Variants in CNTNAP2 observed in about 807,000 individuals in gnomAD.
The protein encoded by CNTNAP2 is contactin-associated protein-like 2.
In CNTNAP2, 98 loss-of-function variants were observed where a neutral mutation model predicts 155.2. The ratio of observed to expected loss-of-function variants is 0.63; its 90% CI spans 0.54 to 0.75. The LOEUF is 0.75. Ranked by LOEUF, CNTNAP2 falls within the 30% of genes least tolerant of loss-of-function variation. The pLI, the probability that CNTNAP2 is intolerant of heterozygous loss-of-function variation, is 0.00. For missense variants in CNTNAP2, 1,727 were observed against 1,688.1 expected, an observed-to-expected ratio of 1.02 and a Z score of -0.40; for synonymous variants, 651 against 631.2, an observed-to-expected ratio of 1.03 and a Z score of -0.47.
chr7:146,992,267 G>A (rs1053622280), intron 3 of CNTNAP2, among the ~76,000 whole-genome samples: 8 of 152,066 alleles, frequency 5.3e-5, no homozygotes, highest in Non-Finnish European at 7.4e-5. Context: ...TCCCATGAGC[G>A]TTAGTAAAGA....
chr7:147,888,634 C>A (rs1210499690), intron 13 of CNTNAP2, among the ~76,000 whole-genome samples: 3 of 136,890 alleles, frequency 2.2e-5, no homozygotes, highest in Non-Finnish European at 3.3e-5. Context: ...AAAGCAATCC[C>A]CAGCTAGACA....
At chr7:148,099,253 A>G (rs1804042520) in intron 15 of CNTNAP2, among the ~76,000 whole-genome samples, 1 of 152,246 alleles carries the variant, frequency 6.6e-6, no homozygotes, top group African/African-American at 2.4e-5. Flanking sequence ...AATACTGCTT[A>G]GAACATGGGA....
At chr7:146,268,649 A>G (rs1800031678) in intron 1 of CNTNAP2, among the ~76,000 whole-genome samples, 3 of 152,196 alleles carry the variant, frequency 2.0e-5, no homozygotes, top group Admixed American at 6.5e-5. Flanking sequence ...TCAAACTTGC[A>G]ACCTAAAGAC....
At chr7:146,352,258 TG>T (rs1188764910) in intron 1 of CNTNAP2, among the ~76,000 whole-genome samples, 2 of 152,204 alleles carry the variant, frequency 1.3e-5, no homozygotes, top group African/African-American at 2.4e-5. Context: ...TAAATATAGC[TG>T]GAATTAAAAT....
intron 1 of CNTNAP2, among the ~76,000 whole-genome samples, chr7:146,730,612 C>CCAT (rs1277100771): frequency 6.6e-6 from 1 of 151,998 alleles, no homozygotes; most frequent in African/African-American, 2.4e-5. Flanking sequence ...TAAATATGCC[C>CCAT]CATCCTTTCC....
intron 12 of CNTNAP2, among the ~76,000 whole-genome samples, chr7:147,583,600 C>T (rs1800559621): frequency 6.7e-6 from 1 of 148,584 alleles, no homozygotes; most frequent in African/African-American, 2.5e-5. Context: ...GGTTAGTTTA[C>T]ATTTTTCTAT....
chr7:146,280,327 G>C (rs1800230477), intron 1 of CNTNAP2, among the ~76,000 whole-genome samples: 1 of 152,158 alleles, frequency 6.6e-6, no homozygotes, highest in Admixed American at 6.6e-5. Flanking sequence ...TGAAGTAGTT[G>C]ATACGAACTT....
At chr7:146,757,527 C>T (rs1802013968) in intron 1 of CNTNAP2, among the ~76,000 whole-genome samples, 1 of 151,976 alleles carries the variant, frequency 6.6e-6, no homozygotes, top group African/African-American at 2.4e-5. Context: ...TTATAGAATC[C>T]AGAAATGTCA....
At chr7:146,158,213 C>G (rs1798158791) in intron 1 of CNTNAP2, among the ~76,000 whole-genome samples, 1 of 152,048 alleles carries the variant, frequency 6.6e-6, no homozygotes, top group African/African-American at 2.4e-5. Flanking sequence ...GAAAGGACAC[C>G]CACACCAAAA....
chr7:147,535,895 A>T (rs986847962), intron 11 of CNTNAP2, among the ~76,000 whole-genome samples: 2 of 144,948 alleles, frequency 1.4e-5, no homozygotes, highest in Non-Finnish European at 3.1e-5. Context: ...GGAAATAGGG[A>T]TTTACTAAAT....
intron 3 of CNTNAP2, among the ~76,000 whole-genome samples, chr7:146,904,280 ACACGT>A (rs1259707161): frequency 6.6e-6 from 1 of 151,968 alleles, no homozygotes; most frequent in Non-Finnish European, 1.5e-5. Flanking sequence ...GGACCTCTAT[ACACGT>A]CACCTTTTCA....
chr7:147,925,623 G>A (rs543412716), intron 14 of CNTNAP2, among the ~76,000 whole-genome samples: 14 of 151,862 alleles, frequency 9.2e-5, no homozygotes, highest in South Asian at 4.2e-4. Flanking sequence ...CCCGCCACTC[G>A]GCTAATTTTT....
intron 3 of CNTNAP2, among the ~76,000 whole-genome samples, chr7:146,960,150 C>T (rs989308539): frequency 1.3e-5 from 2 of 152,158 alleles, no homozygotes; most frequent in South Asian, 4.1e-4. Flanking sequence ...GTTCTCCTAA[C>T]TTATGCCATC....
intron 15 of CNTNAP2, among the ~76,000 whole-genome samples, chr7:148,089,288 C>G (rs974187554): frequency 6.6e-6 from 1 of 151,790 alleles, no homozygotes; most frequent in Non-Finnish European, 1.5e-5. Context: ...CAACATAGTA[C>G]TAGAAGTACT....
chr7:146,426,210 A>AAAAAAG lies in CNTNAP2; in HGVS notation c.97+309237_97+309238insAAAAAG, dbSNP rs1796086835. 2.0e-4 allele frequency among the ~76,000 whole-genome samples: 29 copies of AAAAAAG among 144,322 alleles called. 1 individual carries two copies. The highest frequency in any genetic ancestry group is 6.9e-4 in the Admixed American group (10 of 14,498). The allele number at this position is 144,322 out of a possible 152,430, so 94.7% of individuals were successfully genotyped here. A position where few individuals can be genotyped will look rare whatever the true frequency, so the allele number is the denominator to read the frequency against. On this transcript the variant is annotated intron_variant, in intron 1 of 23. Transcript: ENST00000361727. The stretch of plus-strand genomic sequence containing the variant: ...CAAAAAAAAAAAAAAAAAAAAAAAA[A>AAAAAAG]TTAAAACTTAAGGAACTGAGACAAG...
intron 10 of CNTNAP2, among the ~76,000 whole-genome samples, chr7:147,469,286 G>T (rs1391960958): frequency 6.6e-6 from 1 of 152,032 alleles, no homozygotes; most frequent in Admixed American, 6.6e-5. Context: ...CTCTACAAAA[G>T]TATCTTACAA....
At chr7:146,288,183 A>G (rs1429988088) in intron 1 of CNTNAP2, among the ~76,000 whole-genome samples, 1 of 151,568 alleles carries the variant, frequency 6.6e-6, no homozygotes, top group African/African-American at 2.4e-5. Flanking sequence ...CTGTGTTCCC[A>G]GCTACTCTAG....
At chr7:147,228,960 T>C (rs574375320) in intron 8 of CNTNAP2, among the ~76,000 whole-genome samples, 2 of 152,292 alleles carry the variant, frequency 1.3e-5, no homozygotes, top group South Asian at 4.1e-4. Flanking sequence ...TCCAGCTTCA[T>C]TCATGTCCCT....
At chr7:147,590,636 T>C (rs879890822) in intron 12 of CNTNAP2, among the ~76,000 whole-genome samples, 2 of 152,212 alleles carry the variant, frequency 1.3e-5, no homozygotes, top group Admixed American at 1.3e-4. Flanking sequence ...CTGAGGATTC[T>C]GTCCGTGAAC....
Sources: allele counts gnomAD v4.1 joint callset (sites outside exome capture counted in the v4.1 genomes callset), GRCh38; gene constraint gnomAD v4.1.1; transcripts MANE v1.5; gene names NCBI Gene and HGNC (gene_info 2026-07-23, HGNC 2026-07-21).